The following GRIP1 variants were observed in gnomAD, a reference collection of about 807,000 sequenced individuals.
GRIP1 encodes glutamate receptor interacting protein 1, also known as glutamate receptor-interacting protein 1.
Under a neutral mutation model 129.9 loss-of-function variants are expected in GRIP1, and 45 were observed. The ratio of observed to expected loss-of-function variants is 0.35; its 90% CI spans 0.27 to 0.44. The LOEUF is 0.44. GRIP1 is among the 20% of genes least tolerant of loss of function. The pLI is 1.00. For missense variants in GRIP1, 1,196 were observed against 1,396.8 expected (o/e 0.86, Z 2.29); for synonymous variants, 530 against 520.8 (o/e 1.02, Z -0.24).
In GRIP1 at chr12:66,831,969, G is replaced by A. The variant is rs61928274; in HGVS notation, c.59-235042C>T. Among the ~76,000 whole-genome samples the A allele has an allele frequency of 5.7e-3, 867 of 152,228 alleles. 7 individuals are homozygous for A. The highest frequency in any genetic ancestry group is 8.8e-3 in the Non-Finnish European group (601 of 68,008). On this transcript the variant is annotated intron_variant, in intron 1 of 1. Transcript: ENST00000643019. Reference sequence around the variant, plus strand: ...TTTTTATTATAGATTTGACTTATAAGTTAGACTTTCCTCAATCATTCTGCA... The same window carrying A: ...TTTTTATTATAGATTTGACTTATAAATTAGACTTTCCTCAATCATTCTGCA...
intron 1 of GRIP1, among the ~76,000 whole-genome samples, chr12:67,045,223 T>A (rs1178683648): frequency 6.6e-6 from 1 of 152,156 alleles, no homozygotes; most frequent in Non-Finnish European, 1.5e-5. Flanking sequence ...ATTTTTTCAA[T>A]GAAGTAATTA....
intron 1 of GRIP1, among the ~76,000 whole-genome samples, chr12:66,902,085 T>A (rs540088032): frequency 8.5e-5 from 13 of 152,106 alleles, no homozygotes; most frequent in Non-Finnish European, 1.9e-4. Context: ...CAATTAATAT[T>A]TTTCACATGC....
intron 1 of GRIP1, among the ~76,000 whole-genome samples, chr12:66,639,192 G>T (rs61926105): frequency 0.06 from 9,159 of 152,116 alleles, 333 homozygotes; most frequent in East Asian, 0.11. Flanking sequence ...ACCGTTAGTA[G>T]GGTACTAATA....
upstream of GRIP1, chr12:66,679,172 G>T (rs765411938): frequency 2.2e-6 from 3 of 1,366,662 alleles, no homozygotes; most frequent in South Asian, 1.5e-5. Context: ...ATGCCGTTTC[G>T]ATAGCAACAA....
chr12:66,385,875 C>T (rs904955456), intron 19 of GRIP1, among the ~76,000 whole-genome samples: 2 of 152,146 alleles, frequency 1.3e-5, no homozygotes, highest in African/African-American at 4.8e-5. Flanking sequence ...TCCCAAAGTG[C>T]TGGGATTACA....
At chr12:66,839,982 A>G (rs898715750) in intron 1 of GRIP1, among the ~76,000 whole-genome samples, 1 of 152,188 alleles carries the variant, frequency 6.6e-6, no homozygotes, top group African/African-American at 2.4e-5. Flanking sequence ...TGCAAATTCA[A>G]TAATTTAATC....
At chr12:66,555,753 G>A (rs1295691783) in intron 2 of GRIP1, among the ~76,000 whole-genome samples, 2 of 152,024 alleles carry the variant, frequency 1.3e-5, no homozygotes, top group African/African-American at 4.8e-5. Context: ...CAGAAATGCT[G>A]GAGTTGAAAA....
chr12:66,596,758 T>C, intron 2 of GRIP1, 89 bp downstream of exon 2: 1 of 758,284 alleles, frequency 1.3e-6, no homozygotes, highest in Admixed American at 1.9e-5. Context: ...ATTATTATTA[T>C]TATTTTTACC....
chr12:66,973,346 T>C (rs2042102099), intron 1 of GRIP1, among the ~76,000 whole-genome samples: 1 of 150,184 alleles, frequency 6.7e-6, no homozygotes, highest in South Asian at 2.1e-4. Flanking sequence ...GACAGGAAAA[T>C]GGTTATTTTT....
At chr12:66,682,867 C>A (rs2034638277), upstream of GRIP1, among the ~76,000 whole-genome samples, 1 of 152,164 alleles carries the variant, frequency 6.6e-6, no homozygotes, top group African/African-American at 2.4e-5. Context: ...CTTTCTTCAA[C>A]TTCATAAATC....
rs192258907 is a variant in GRIP1 at position 66,445,789 on chromosome 12, C to T, written c.1355-281G>A. 6.8e-4 allele frequency among the ~76,000 whole-genome samples: 104 copies of T among 152,290 alleles called. 1 individual carries two copies. The highest frequency in any genetic ancestry group is 5.3e-4 in the Non-Finnish European group (36 of 68,024). ...AGAGGATGGCCTTAGGGTCAGGTTA[C>T]ATGGGTTTTAGTCCTGGCTCTATCA... is the stretch of plus-strand genomic sequence containing the variant. On this transcript the variant is annotated intron_variant, in intron 11 of 24. Transcript: ENST00000359742.
intron 1 of GRIP1, among the ~76,000 whole-genome samples, chr12:66,850,676 T>A (rs1306778168): frequency 6.6e-6 from 1 of 151,988 alleles, no homozygotes; most frequent in Non-Finnish European, 1.5e-5. Context: ...GCACTACAGT[T>A]GACCAACAAA....
chr12:66,615,356 G>A (rs1176937106), intron 1 of GRIP1, among the ~76,000 whole-genome samples: 3 of 152,080 alleles, frequency 2.0e-5, no homozygotes, highest in Admixed American at 1.3e-4. Flanking sequence ...ATGTTCTGAC[G>A]CTCAGAGGAG....
chr12:66,680,798 T>C (rs1436383312), upstream of GRIP1, among the ~76,000 whole-genome samples: 2 of 152,148 alleles, frequency 1.3e-5, no homozygotes, highest in African/African-American at 2.4e-5. Flanking sequence ...TTACTATTAG[T>C]AGAATCTTGC....
intron 13 of GRIP1, among the ~76,000 whole-genome samples, chr12:66,436,262 A>G (rs942690132): frequency 6.6e-5 from 10 of 152,254 alleles, no homozygotes; most frequent in South Asian, 2.1e-4. Flanking sequence ...TAATTCATCA[A>G]TGCAGACACC....
chr12:66,373,561 A>C (rs1284272573), intron 22 of GRIP1, among the ~76,000 whole-genome samples: 2 of 152,192 alleles, frequency 1.3e-5, no homozygotes, highest in Admixed American at 6.5e-5. Context: ...TAGTTCCCAA[A>C]TTCACCTGGT....
intron 20 of GRIP1, among the ~76,000 whole-genome samples, chr12:66,378,174 G>A (rs1408972706): frequency 6.6e-6 from 1 of 152,172 alleles, no homozygotes; most frequent in Admixed American, 6.5e-5. Flanking sequence ...CAGTGCAGTG[G>A]CTCACGCCTG....
At chr12:66,494,157 G>A (rs1311499606) in intron 7 of GRIP1, among the ~76,000 whole-genome samples, 3 of 152,090 alleles carry the variant, frequency 2.0e-5, no homozygotes, top group Admixed American at 6.5e-5. Context: ...TCTCTTAGGT[G>A]CTTAACATTA....
chr12:66,946,772 GT>G (rs574966401), intron 1 of GRIP1, among the ~76,000 whole-genome samples: 7,702 of 94,832 alleles, frequency 0.081, 1,074 homozygotes, highest in African/African-American at 0.22. Flanking sequence ...GGGTCGGGGG[GT>G]GGGGTGGGGG....
Sources: gnomAD v4.1 joint callset for allele counts (sites outside exome capture counted in the v4.1 genomes callset) on GRCh38, gnomAD v4.1.1 for gene constraint, MANE v1.5 for transcripts, NCBI Gene and HGNC (gene_info 2026-07-23, HGNC 2026-07-21) for gene names.